QTMAN: variants seen among roughly 807,000 people sequenced by gnomAD.
QTMAN encodes the protein tRNA-queuosine alpha-mannosyltransferase.
the QTMAN span, chr2:144,178,294 G>C: frequency 1.3e-5 from 2 of 152,066 alleles, no homozygotes; most frequent in African/African-American, 4.8e-5. Flanking sequence ...ATTTTGGGTT[G>C]CTATCAGGAT....
chr2:144,060,224 A>G, the QTMAN span, among the ~76,000 whole-genome samples: 1 of 151,932 alleles, frequency 6.6e-6, no homozygotes, highest in African/African-American at 2.4e-5. Context: ...TACATAATCT[A>G]TCCTATGTAG....
the QTMAN span, among the ~76,000 whole-genome samples, chr2:144,035,785 T>A: frequency 6.6e-6 from 1 of 152,158 alleles, no homozygotes; most frequent in African/African-American, 2.4e-5. Flanking sequence ...GAAATATACC[T>A]CAAAAAATGA....
At chr2:144,274,652 A>T in the QTMAN span, among the ~76,000 whole-genome samples, 1 of 152,188 alleles carries the variant, frequency 6.6e-6, no homozygotes, top group East Asian at 1.9e-4. Flanking sequence ...CAGAGAAGGA[A>T]TGCAAGCTCT....
chr2:144,150,832 T>C, the QTMAN span, among the ~76,000 whole-genome samples: 1 of 152,184 alleles, frequency 6.6e-6, no homozygotes, highest in Non-Finnish European at 1.5e-5. Context: ...CACCCATAAC[T>C]ATTCCAAAGA....
chr2:143,984,550 G>A, the QTMAN span, among the ~76,000 whole-genome samples: 1 of 152,178 alleles, frequency 6.6e-6, no homozygotes, highest in Admixed American at 6.5e-5. Context: ...AGAATAGGAT[G>A]GTGTCCCTGT....
chr2:144,109,357 A>C, the QTMAN span, among the ~76,000 whole-genome samples: 78 of 152,352 alleles, frequency 5.1e-4, 1 homozygote, highest in African/African-American at 1.5e-3. Context: ...GAAAGCTGAA[A>C]CTGGATCCCT....
chr2:144,100,731 G>T, the QTMAN span, among the ~76,000 whole-genome samples: 1 of 151,956 alleles, frequency 6.6e-6, no homozygotes, highest in Non-Finnish European at 1.5e-5. Flanking sequence ...GGCTATCAGA[G>T]AATTAATTAG....
chr2:144,032,483 G>A, the QTMAN span, among the ~76,000 whole-genome samples: 1 of 152,206 alleles, frequency 6.6e-6, no homozygotes, highest in East Asian at 1.9e-4. Context: ...TCAAAAGAAA[G>A]AGCCATGTAC....
chr2:144,041,688 A>C, the QTMAN span, among the ~76,000 whole-genome samples: 1 of 152,224 alleles, frequency 6.6e-6, no homozygotes, highest in Non-Finnish European at 1.5e-5. Context: ...GTGAAGGCAC[A>C]AAAAAGTAAA....
the QTMAN span, among the ~76,000 whole-genome samples, chr2:144,104,086 T>A: frequency 4.0e-5 from 6 of 151,874 alleles, no homozygotes. Context: ...CAAGACTCCA[T>A]CTCAAAAAAT....
the QTMAN span, among the ~76,000 whole-genome samples, chr2:144,089,731 T>C: frequency 6.6e-6 from 1 of 151,870 alleles, no homozygotes; most frequent in Non-Finnish European, 1.5e-5. Context: ...TTTGATCACA[T>C]GGAGGTGGAC....
the QTMAN span, among the ~76,000 whole-genome samples, chr2:143,947,405 A>G: frequency 6.6e-6 from 1 of 152,134 alleles, no homozygotes; most frequent in Non-Finnish European, 1.5e-5. Flanking sequence ...TTCTTGGTTT[A>G]TGTTATGAAT....
At chr2:144,215,380 C>A in the QTMAN span, among the ~76,000 whole-genome samples, 2 of 151,726 alleles carry the variant, frequency 1.3e-5, no homozygotes, top group Non-Finnish European at 2.9e-5. Context: ...GTTAAAACTC[C>A]ACAAGCATCA....
At chr2:144,017,846 A>G in the QTMAN span, among the ~76,000 whole-genome samples, 3 of 152,162 alleles carry the variant, frequency 2.0e-5, no homozygotes, top group East Asian at 5.8e-4. Context: ...AATTGAGCCT[A>G]TTTTATAAAC....
chr2:144,162,659 G>C, the QTMAN span, among the ~76,000 whole-genome samples: 1 of 152,058 alleles, frequency 6.6e-6, no homozygotes, highest in Non-Finnish European at 1.5e-5. Context: ...AAGGCCTAGG[G>C]CTGATCTCAT....
chr2:144,224,757 G>A, the QTMAN span, among the ~76,000 whole-genome samples: 1 of 152,148 alleles, frequency 6.6e-6, no homozygotes, highest in African/African-American at 2.4e-5. Flanking sequence ...GAAGCTCTGT[G>A]CGACCACAAA....
At chr2:144,289,317 G>A in the QTMAN span, among the ~76,000 whole-genome samples, 1 of 152,192 alleles carries the variant, frequency 6.6e-6, no homozygotes, top group Non-Finnish European at 1.5e-5. Flanking sequence ...GTGAGCCACT[G>A]TGCCCAGCCA....
the QTMAN span, among the ~76,000 whole-genome samples, chr2:144,043,227 TTGTGTGTGTGTG>T: frequency 6.7e-6 from 1 of 148,598 alleles, no homozygotes; most frequent in Non-Finnish European, 1.5e-5. Flanking sequence ...ATGTGTGAAT[TTGTGTGTGTGTG>T]TGTGTGTGTG....
chr2:144,089,979 A>G, the QTMAN span, among the ~76,000 whole-genome samples: 1 of 152,032 alleles, frequency 6.6e-6, no homozygotes, highest in Non-Finnish European at 1.5e-5. Context: ...ATACCCCGTA[A>G]ATTTGTACAA....
Sources: allele counts gnomAD v4.1 joint callset (sites outside exome capture counted in the v4.1 genomes callset), GRCh38; gene constraint gnomAD v4.1.1; transcripts MANE v1.5; gene names NCBI Gene and HGNC (gene_info 2026-07-23, HGNC 2026-07-21).